Variants in MYT1L observed in about 807,000 individuals in gnomAD.
The protein encoded by MYT1L is myelin transcription factor 1-like protein.
MYT1L carries 12 observed loss-of-function variants against 126.7 expected under a neutral mutation model. That is an observed-to-expected ratio of 0.09 (90% CI 0.06 to 0.15). The LOEUF is 0.15. Among genes scored for constraint, MYT1L ranks in the 10% least tolerant of loss-of-function variants. The pLI, the probability that MYT1L is intolerant of heterozygous loss-of-function variation, is 1.00. For missense variants in MYT1L, 979 were observed against 1,585.2 expected, an observed-to-expected ratio of 0.62 and a Z score of 6.49; for synonymous variants, 541 against 604.2, an observed-to-expected ratio of 0.90 and a Z score of 1.53.
At chr2:1,919,829 C>T (rs111540475) in intron 10 of MYT1L, among the ~76,000 whole-genome samples, 6 of 152,136 alleles carry the variant, frequency 3.9e-5, no homozygotes, top group South Asian at 4.1e-4. Flanking sequence ...CCCAGGTTCA[C>T]GCCATTCTCC....
chr2:2,023,161 G>A (rs1212899795), intron 4 of MYT1L, among the ~76,000 whole-genome samples: 1 of 152,176 alleles, frequency 6.6e-6, no homozygotes, highest in Non-Finnish European at 1.5e-5. Flanking sequence ...TGATGGGAAA[G>A]AAAAAAGAGT....
intron 3 of MYT1L, among the ~76,000 whole-genome samples, chr2:2,130,967 C>G (rs1266708180): frequency 1.3e-5 from 2 of 152,098 alleles, no homozygotes; most frequent in African/African-American, 4.8e-5. Flanking sequence ...TCCACATTAA[C>G]AATTCTAAAA....
At chr2:1,803,826 A>G (rs1041708315) in intron 22 of MYT1L, among the ~76,000 whole-genome samples, 6 of 152,092 alleles carry the variant, frequency 3.9e-5, no homozygotes, top group Non-Finnish European at 7.4e-5. Flanking sequence ...GTCACAGAGC[A>G]TTCCCGGCCC....
intron 21 of MYT1L, chr2:1,827,364 A>G (rs1285988056): frequency 6.6e-6 from 1 of 152,196 alleles, no homozygotes; most frequent in East Asian, 1.9e-4. Flanking sequence ...CTGTGTTATA[A>G]AACAAGGTAT....
chr2:1,878,220 C>G (rs2047157497), intron 18 of MYT1L, among the ~76,000 whole-genome samples: 1 of 152,238 alleles, frequency 6.6e-6, no homozygotes, highest in Admixed American at 6.5e-5. Context: ...TTGCACTCAT[C>G]TCACCGTGCA....
chr2:1,830,421 CACTGA>C (rs2039980481), intron 21 of MYT1L, among the ~76,000 whole-genome samples: 1 of 152,096 alleles, frequency 6.6e-6, no homozygotes, highest in African/African-American at 2.4e-5. Context: ...GAACAGCCTC[CACTGA>C]CATTGTCTGG....
rs546455311 is a variant in MYT1L at position 2,246,540 on chromosome 2, C to T, written c.-421+37864G>A. On this transcript the variant is annotated intron_variant, in intron 2 of 24. Transcript: ENST00000647738. The stretch of plus-strand genomic sequence containing the variant: ...AGGGGTCCCTGTACCTGTGAGGGGG[C>T]CTTTTCTTGTCCTGCCTTCAGACAG... Among the ~76,000 whole-genome samples the T allele has an allele frequency of 2.8e-4, 42 of 152,268 alleles. 1 individual carries two copies. The highest frequency in any genetic ancestry group is 2.8e-4 in the Non-Finnish European group (19 of 68,028).
At chr2:2,249,690 A>G (rs1424013059) in intron 2 of MYT1L, among the ~76,000 whole-genome samples, 4 of 152,090 alleles carry the variant, frequency 2.6e-5, no homozygotes, top group Admixed American at 2.0e-4. Flanking sequence ...CACATCAAGT[A>G]AAAAAGCTTC....
At chr2:1,898,443 A>G (rs768562843) in intron 14 of MYT1L, among the ~76,000 whole-genome samples, 9 of 152,194 alleles carry the variant, frequency 5.9e-5, no homozygotes, top group Non-Finnish European at 1.0e-4. Context: ...CACACGGTCT[A>G]CTTGCTAGAG....
At chr2:2,129,306 A>G (rs1043072864) in intron 3 of MYT1L, among the ~76,000 whole-genome samples, 16 of 152,240 alleles carry the variant, frequency 1.1e-4, no homozygotes, top group African/African-American at 3.6e-4. Context: ...TAAAGATATG[A>G]TAACTGCTGA....
chr2:2,048,649 T>G (rs1267186371), intron 4 of MYT1L, among the ~76,000 whole-genome samples: 1 of 152,180 alleles, frequency 6.6e-6, no homozygotes, highest in African/African-American at 2.4e-5. Context: ...TCCTCCTAGG[T>G]GGACCCCTGG....
rs529686721 is a variant in MYT1L, at chr2:2,156,968, G to A, written c.-304+15904C>T. Among the ~76,000 whole-genome samples, 233 of 152,274 alleles carry A rather than the reference G, an allele frequency of 1.5e-3. 1 individual carries two copies. The highest frequency in any genetic ancestry group is 1.6e-3 in the Non-Finnish European group (110 of 68,022). ...TTTTGTTTTCCATTTGTTTCCATCC[G>A]TTTGGGGGAAAATCTCAAGATTTCA... On this transcript the variant is annotated intron_variant, in intron 3 of 24. Transcript: ENST00000647738.
intron 3 of MYT1L, among the ~76,000 whole-genome samples, chr2:2,124,639 T>A (rs2081456105): frequency 6.6e-6 from 1 of 152,222 alleles, no homozygotes; most frequent in Admixed American, 6.5e-5. Context: ...TTTAGTAGCT[T>A]TGATTATCTG....
chr2:2,271,247 C>T (rs1397609814), intron 2 of MYT1L, among the ~76,000 whole-genome samples: 4 of 152,214 alleles, frequency 2.6e-5, no homozygotes, highest in African/African-American at 9.6e-5. Flanking sequence ...GAGCTCCCCG[C>T]AGGCATACTG....
intron 3 of MYT1L, among the ~76,000 whole-genome samples, chr2:2,086,188 T>C (rs1259948264): frequency 1.3e-5 from 2 of 152,044 alleles, no homozygotes; most frequent in Non-Finnish European, 1.5e-5. Context: ...GTTTACTCTT[T>C]AGTAAGGCAA....
At chr2:2,073,399 C>T (rs1469667386) in intron 3 of MYT1L, among the ~76,000 whole-genome samples, 7 of 152,098 alleles carry the variant, frequency 4.6e-5, no homozygotes, top group African/African-American at 1.7e-4. Flanking sequence ...AAGAAGACTT[C>T]ATCCTAATGA....
intron 3 of MYT1L, among the ~76,000 whole-genome samples, chr2:2,097,694 T>C (rs2077592073): frequency 1.3e-5 from 2 of 152,068 alleles, no homozygotes; most frequent in African/African-American, 4.8e-5. Flanking sequence ...AGGGCAAGGA[T>C]GTGAGGGGAG....
intron 14 of MYT1L, among the ~76,000 whole-genome samples, chr2:1,892,647 G>A (rs2049063065): frequency 6.6e-6 from 1 of 152,186 alleles, no homozygotes; most frequent in African/African-American, 2.4e-5. Context: ...CAGGGTGTAG[G>A]GAAGTGACTG....
intron 3 of MYT1L, among the ~76,000 whole-genome samples, chr2:2,105,476 T>G (rs1317817347): frequency 6.6e-6 from 1 of 152,236 alleles, no homozygotes; most frequent in Non-Finnish European, 1.5e-5. Context: ...CTGTCTATAC[T>G]GTGTTTTTCT....
Sources: allele counts gnomAD v4.1 joint callset (sites outside exome capture counted in the v4.1 genomes callset), GRCh38; gene constraint gnomAD v4.1.1; transcripts MANE v1.5; gene names NCBI Gene and HGNC (gene_info 2026-07-23, HGNC 2026-07-21).